The following FAM76B variants were observed in gnomAD, a reference collection of about 807,000 sequenced individuals.
FAM76B encodes family with sequence similarity 76 member B.
A neutral mutation model predicts 51.8 loss-of-function variants in FAM76B; 16 were observed. That is an observed-to-expected ratio of 0.31 (90% CI 0.21 to 0.47). The LOEUF (loss-of-function observed/expected upper bound fraction) is 0.47, where lower values mean the gene tolerates loss of function less well. Among genes scored for constraint, FAM76B ranks in the 20% least tolerant of loss-of-function variants. The pLI is 1.00. For missense variants in FAM76B, 342 were observed against 392.6 expected (o/e 0.87, Z 1.09); for synonymous variants, 166 against 129.5 (o/e 1.28, Z -1.91).
intron 4 of FAM76B, among the ~76,000 whole-genome samples, chr11:95,784,564 G>A (rs951773566): frequency 6.9e-6 from 1 of 144,512 alleles, no homozygotes; most frequent in African/African-American, 2.7e-5. Flanking sequence ...GTGTGTGTGT[G>A]TATATATACA....
At chr11:95,775,201 G>A (rs1239083923) in intron 9 of FAM76B, among the ~76,000 whole-genome samples, 2 of 151,432 alleles carry the variant, frequency 1.3e-5, no homozygotes, top group Non-Finnish European at 3.0e-5. Flanking sequence ...TTAATTTAGT[G>A]TGGTCTGATT....
At chr11:95,782,839 TAG>T (rs929975071) in intron 5 of FAM76B, among the ~76,000 whole-genome samples, 9 of 152,332 alleles carry the variant, frequency 5.9e-5, no homozygotes, top group African/African-American at 2.2e-4. Flanking sequence ...TATAATTTTA[TAG>T]ATTTTCCTAA....
chr11:95,785,377 A>C (rs1188404668), intron 4 of FAM76B, among the ~76,000 whole-genome samples: 1 of 152,220 alleles, frequency 6.6e-6, no homozygotes, highest in Non-Finnish European at 1.5e-5. Flanking sequence ...AATAATGAGA[A>C]TCAATCGTAC....
intron 1 of FAM76B, 78 bp from the exon 2 acceptor site, chr11:95,788,641 C>T: frequency 1.4e-6 from 2 of 1,418,110 alleles, no homozygotes; most frequent in Non-Finnish European, 2.0e-6. Flanking sequence ...ACTGTTTACC[C>T]AACCTAGTGA....
intron 7 of FAM76B, chr11:95,779,288 T>C: frequency 1.7e-6 from 1 of 581,280 alleles, no homozygotes; most frequent in East Asian, 3.7e-5. Flanking sequence ...AAAAACATTT[T>C]CTAAGCAGGT....
Position 95,776,028 on chromosome 11 carries a change from G to A in FAM76B, c.829-5C>T, listed in dbSNP as rs768772500. On this transcript the variant is annotated splice_polypyrimidine_tract_variant and splice_region_variant and intron_variant, in intron 8 of 9. Coordinates refer to ENST00000358780, the MANE Select transcript of FAM76B (RefSeq NM_144664.5). ...GTCTGCCTTTAGTTCAGTTAACTGA[G>A]AGATTAAAGAAAAAATATATGTATA... 7.8e-6 allele frequency: 12 copies of A among 1,539,548 alleles called. No homozygotes were observed. The highest frequency in any genetic ancestry group is 1.4e-5 in the African/African-American group (1 of 71,240).
Position 95,779,709 on chromosome 11 carries a change from A to C in FAM76B, c.612-22T>G, listed in dbSNP as rs368403711. 4.6e-5 allele frequency: 74 copies of C among 1,602,464 alleles called. No individual in the cohort carries two copies. In the African/African-American group the frequency reaches 9.7e-4, roughly 21 times the overall value. On this transcript the variant is annotated intron_variant, in intron 6 of 9. Coordinates refer to ENST00000358780, the MANE Select transcript of FAM76B (RefSeq NM_144664.5). Reference sequence around the variant, plus strand: ...ATGGCTGAAACCAAACATTAATAAGAATAGTTAGAGTAAAAAGGACAGAGA... The same window carrying C: ...ATGGCTGAAACCAAACATTAATAAGCATAGTTAGAGTAAAAAGGACAGAGA...
rs1414900444 is a variant in FAM76B at position 95,769,656 on chromosome 11, A to G, written c.*1905T>C. The G allele has an allele frequency of 6.6e-6, 1 of 151,808 alleles. No homozygotes were observed. The highest frequency in any genetic ancestry group is 1.9e-4 in the East Asian group (1 of 5,198). The allele number at this position is 151,808 out of a possible 1,614,324, so 9.4% of individuals were successfully genotyped here. A position where few individuals can be genotyped will look rare whatever the true frequency, so the allele number is the denominator to read the frequency against. On this transcript the variant is annotated 3_prime_UTR_variant, in exon 10 of 10. Transcript: ENST00000358780. ...TGACAAATGGCTATGAAACAAGAAT[A>G]TAAAACATTACAAATTTCAAAGAAA...
Position 95,788,482 on chromosome 11 carries a change from CTA to C in FAM76B, c.152+15_152+16del. 6.3e-7 allele frequency: 1 copy of C among 1,586,380 alleles called. No individual in the cohort carries two copies. Among genetic ancestry groups the C allele is most frequent in the East Asian group, 2.2e-5 (1 of 44,692 alleles). On this transcript the variant is annotated intron_variant, in intron 2 of 9. Coordinates refer to ENST00000358780, the MANE Select transcript of FAM76B (RefSeq NM_144664.5). ...AACACTTGTCTTTAACAGTCAAAAA[CTA>C]TTCAGTATACAAACCTCTCTTGTTG...
intron 4 of FAM76B, among the ~76,000 whole-genome samples, chr11:95,784,997 C>T (rs1015143737): frequency 6.6e-6 from 1 of 152,090 alleles, no homozygotes; most frequent in African/African-American, 2.4e-5. Flanking sequence ...GAACTTAATC[C>T]TATATTTCTC....
chr11:95,787,852 G>C (rs528359827), intron 2 of FAM76B, among the ~76,000 whole-genome samples, 174 bp from the exon 3 acceptor site: 1 of 152,188 alleles, frequency 6.6e-6, no homozygotes, highest in East Asian at 1.9e-4. Context: ...ATTAACTTAT[G>C]ACAAATGTTT....
At chr11:95,782,701 G>A (rs1017579893) in intron 5 of FAM76B, among the ~76,000 whole-genome samples, 1 of 151,936 alleles carries the variant, frequency 6.6e-6, no homozygotes, top group African/African-American at 2.4e-5. Context: ...AAAACAAATT[G>A]ACAACTAAAA....
At chr11:95,788,887 A>C in intron 1 of FAM76B, 1 of 1,364,550 alleles carries the variant, frequency 7.3e-7, no homozygotes, top group Admixed American at 2.2e-5. Context: ...TCCAGGCTTT[A>C]ATGGGATGGG....
intron 1 of FAM76B, 152 bp downstream of exon 1, chr11:95,789,240 A>C (rs1054537491): frequency 1.0e-6 from 1 of 987,238 alleles, no homozygotes; most frequent in Non-Finnish European, 1.5e-6. Flanking sequence ...TCAAGCCCCC[A>C]GAAAAAGGGG....
At chr11:95,787,452 G>A (rs1860663780) in intron 3 of FAM76B, among the ~76,000 whole-genome samples, 172 bp downstream of exon 3, 3 of 152,156 alleles carry the variant, frequency 2.0e-5, no homozygotes, top group Admixed American at 2.0e-4. Flanking sequence ...GTGTTAGCCA[G>A]GATGGTCTCC....
chr11:95,789,437 C>T lies in FAM76B; in HGVS notation c.42G>A (p.Gln14=). 2 of 1,609,992 alleles carry T rather than the reference C, an allele frequency of 1.2e-6. No homozygotes were observed. The highest frequency in any genetic ancestry group is 1.7e-6 in the Non-Finnish European group (2 of 1,178,314). The change falls in exon 1 of 10, where the codon CAG becomes CAA. Residue 14 remains glutamine, a synonymous_variant. Coordinates refer to ENST00000358780, the MANE Select transcript of FAM76B (RefSeq NM_144664.5). ...GGGAGAGCTCCTCGAAAGGATAACG[C>T]TGGGTACACTTGGTGCAGGCGTACA... ...SALYACTKCT[Q]RYPFEELSQG...
intron 1 of FAM76B, chr11:95,789,067 G>A (rs1860800816): frequency 1.4e-5 from 20 of 1,399,064 alleles, no homozygotes; most frequent in Non-Finnish European, 1.8e-5. Context: ...AAACCGAGAT[G>A]AAAACATCTC....
rs912098191 is a variant in FAM76B at position 95,771,124 on chromosome 11, C to A, written c.*437G>T. ...ACACAATTCCCAAAAAACCAGTGTT[C>A]GCCATTTTTCGAGTTTAAAAGTTTT... On this transcript the variant is annotated 3_prime_UTR_variant, in exon 10 of 10. Transcript: ENST00000358780. 6.6e-6 allele frequency: 1 copy of A among 151,698 alleles called. No homozygotes were observed. The highest frequency in any genetic ancestry group is 2.4e-5 in the African/African-American group (1 of 41,348). The allele number at this position is 151,698 out of a possible 1,614,324, so 9.4% of individuals were successfully genotyped here. A position where few individuals can be genotyped will look rare whatever the true frequency, so the allele number is the denominator to read the frequency against.
At chr11:95,784,593 A>C (rs555761142) in intron 4 of FAM76B, among the ~76,000 whole-genome samples, 25 of 133,902 alleles carry the variant, frequency 1.9e-4, no homozygotes, top group Admixed American at 4.5e-4. Context: ...CACACACACA[A>C]TTTTTTTTTT....
Sources: gnomAD v4.1 joint callset for allele counts (sites outside exome capture counted in the v4.1 genomes callset) on GRCh38, gnomAD v4.1.1 for gene constraint, MANE v1.5 for transcripts, NCBI Gene and HGNC (gene_info 2026-07-23, HGNC 2026-07-21) for gene names.